The following GPR55 variants were observed in gnomAD, a reference collection of about 807,000 sequenced individuals.
The protein encoded by GPR55 is G-protein coupled receptor 55.
GPR55 carries 6 observed loss-of-function variants against 7.9 expected under a neutral mutation model. The ratio of observed to expected loss-of-function variants is 0.76; its 90% CI spans 0.41 to 1.49. The LOEUF is 1.49. Among genes scored for constraint, GPR55 ranks in the 40% most tolerant of loss-of-function variants. GPR55 has a pLI of 0.01. For synonymous variants in GPR55, 183 were observed against 166.8 expected (o/e 1.10, Z -0.75); for missense variants, 376 against 406.0 (o/e 0.93, Z 0.63).
intron 1 of GPR55, among the ~76,000 whole-genome samples, chr2:230,912,109 G>A (rs553493802): frequency 2.6e-5 from 4 of 152,146 alleles, no homozygotes; most frequent in Non-Finnish European, 5.9e-5. Context: ...CCACATGTGA[G>A]GCCATGCTGC....
rs540018834 is a variant in GPR55, at chr2:230,937,360, G to A, written c.-135+23415C>T. ...TTAGAGGCTCCCGTGAGTCGTGATTGTGCCAGTGTGCTCCAGTCTGGGCAA... is the reference window on the plus strand; with the variant it reads ...TTAGAGGCTCCCGTGAGTCGTGATTATGCCAGTGTGCTCCAGTCTGGGCAA... On this transcript the variant is annotated intron_variant, in intron 1 of 1. Coordinates refer to the GPR55 transcript ENST00000392039. Among the ~76,000 whole-genome samples, 6 of 147,744 alleles carry A rather than the reference G, an allele frequency of 4.1e-5. No individual in the cohort carries two copies. The East Asian group carries it at 1.2e-3, about 29-fold the overall frequency.
rs1426625497 is a variant in GPR55 at position 230,910,990 on chromosome 2, G to A, written c.-28C>T. 6.4e-7 allele frequency: 1 copy of A among 1,565,400 alleles called. No individual in the cohort carries two copies. The highest frequency in any genetic ancestry group is 8.7e-7 in the Non-Finnish European group (1 of 1,151,602). On this transcript the variant is annotated 5_prime_UTR_variant, in exon 2 of 2. Transcript: ENST00000650999. The surrounding 1 kb of genome is among the most constrained non-coding windows in gnomAD (Gnocchi z 5.4). Reference sequence around the variant, plus strand: ...TTCTTCCTACAACACCAACAGATCAGACGGGGCTCCTTTCACTCTCTTGAA... The same window carrying A: ...TTCTTCCTACAACACCAACAGATCAAACGGGGCTCCTTTCACTCTCTTGAA...
rs1356010895 is a variant in GPR55 at position 230,908,753 on chromosome 2, C to A, written c.*1250G>T. 2 of 152,440 alleles carry A rather than the reference C, an allele frequency of 1.3e-5. No homozygotes were observed. The highest frequency in any genetic ancestry group is 6.5e-5 in the Admixed American group (1 of 15,280). 9.4% of individuals were successfully genotyped at this position (152,440 alleles called of 1,614,324 possible). ...ACAATGGATCCTTCTCATCATTTCACTCTCCGGAGCAGCTGAGTCATTGGG... is the reference window on the plus strand; with the variant it reads ...ACAATGGATCCTTCTCATCATTTCAATCTCCGGAGCAGCTGAGTCATTGGG... On this transcript the variant is annotated 3_prime_UTR_variant, in exon 2 of 2. Transcript: ENST00000650999.
chr2:230,931,570 G>C (rs1691037718), intron 1 of GPR55, among the ~76,000 whole-genome samples: 1 of 152,146 alleles, frequency 6.6e-6, no homozygotes, highest in Non-Finnish European at 1.5e-5. Flanking sequence ...TGGAGGCATT[G>C]AGAGGTTTTG....
chr2:230,940,248 G>T (rs532061136), intron 1 of GPR55, among the ~76,000 whole-genome samples: 2 of 152,090 alleles, frequency 1.3e-5, no homozygotes, highest in Non-Finnish European at 1.5e-5. Flanking sequence ...TGGGGGCGGC[G>T]CTTACACAGC....
upstream of GPR55, among the ~76,000 whole-genome samples, chr2:230,926,650 G>A (rs1690947425): frequency 6.6e-6 from 1 of 151,494 alleles, no homozygotes; most frequent in Non-Finnish European, 1.5e-5. Flanking sequence ...CTTCTCAAAG[G>A]GAGCCTTGTC....
chr2:230,921,736 G>C (rs540919009), intron 1 of GPR55, among the ~76,000 whole-genome samples: 52 of 152,310 alleles, frequency 3.4e-4, no homozygotes, highest in African/African-American at 1.3e-3. Context: ...AAGTGGAATG[G>C]GAGTGACCAT....
At chr2:230,919,877 G>A (rs1559172101) in intron 1 of GPR55, among the ~76,000 whole-genome samples, 1 of 151,586 alleles carries the variant, frequency 6.6e-6, no homozygotes, top group Non-Finnish European at 1.5e-5. Context: ...CTGTCTGACT[G>A]TTATGTTTAT....
chr2:230,924,595 A>G lies in GPR55; in HGVS notation c.-135+573T>C, dbSNP rs1690908193. On this transcript the variant is annotated intron_variant, in intron 1 of 1. Coordinates refer to ENST00000650999, the MANE Select transcript of GPR55 (RefSeq NM_005683.4). The surrounding 1 kb of genome is among the most constrained non-coding windows in gnomAD (Gnocchi z 4.5). ...CCCTTGAGCGCCCCGTGAGGAAGAA[A>G]CCGTGTATTGCCTCATGCCCCAGAG... is the stretch of plus-strand genomic sequence containing the variant. The G allele has an allele frequency of 6.6e-6, 1 of 152,186 alleles. No homozygotes were observed. Among genetic ancestry groups the G allele is most frequent in the African/African-American group, 2.4e-5 (1 of 41,414 alleles). The allele number at this position is 152,186 out of a possible 1,614,324, so 9.4% of individuals were successfully genotyped here.
chr2:230,925,119 G>A (rs961459985), intron 1 of GPR55, 49 bp downstream of exon 1: 2 of 152,794 alleles, frequency 1.3e-5, no homozygotes, highest in Non-Finnish European at 2.9e-5. Flanking sequence ...GCAAGGTCAG[G>A]TTGGAGGCTC....
chr2:230,958,850 C>T (rs937737335), intron 1 of GPR55, among the ~76,000 whole-genome samples: 3 of 152,152 alleles, frequency 2.0e-5, no homozygotes, highest in Non-Finnish European at 4.4e-5. Context: ...TCAGTTATAA[C>T]GAGGGTCTTT....
upstream of GPR55, among the ~76,000 whole-genome samples, chr2:230,929,088 A>C (rs1414320370): frequency 6.6e-6 from 1 of 152,102 alleles, no homozygotes; most frequent in Non-Finnish European, 1.5e-5. Flanking sequence ...TCCTGGACTC[A>C]AGCGATCCCC....
upstream of GPR55, among the ~76,000 whole-genome samples, chr2:230,927,081 A>T (rs1690956347): frequency 6.6e-6 from 1 of 152,222 alleles, no homozygotes; most frequent in South Asian, 2.1e-4. Context: ...GAAAACATGC[A>T]CATGATTCAA....
At chr2:230,946,456 TCAAA>T (rs1194051242) in intron 1 of GPR55, among the ~76,000 whole-genome samples, 1 of 152,214 alleles carries the variant, frequency 6.6e-6, no homozygotes, top group African/African-American at 2.4e-5. Flanking sequence ...TATACATATA[TCAAA>T]ATTTCACACT....
upstream of GPR55, among the ~76,000 whole-genome samples, chr2:230,926,458 A>AG (rs896644822): frequency 3.3e-5 from 5 of 152,198 alleles, no homozygotes; most frequent in Admixed American, 6.5e-5. Flanking sequence ...CTACTGGGCA[A>AG]GGGGGGGCAG....
intron 1 of GPR55, among the ~76,000 whole-genome samples, chr2:230,939,893 T>C (rs115079613): frequency 0.024 from 3,697 of 151,968 alleles, 140 homozygotes; most frequent in African/African-American, 0.085. Context: ...GGAGAGACAG[T>C]CACAGGCTGA....
intron 1 of GPR55, among the ~76,000 whole-genome samples, chr2:230,937,812 C>G (rs1376059620): frequency 1.3e-5 from 2 of 152,012 alleles, no homozygotes; most frequent in African/African-American, 2.4e-5. Flanking sequence ...CAGATGCTGC[C>G]ACAACCACCA....
chr2:230,918,914 ATAG>A, intron 1 of GPR55, among the ~76,000 whole-genome samples: 2 of 152,276 alleles, frequency 1.3e-5, no homozygotes, highest in Middle Eastern at 6.8e-3. Context: ...TAATGGTAAA[ATAG>A]TAGGGACATT....
chr2:230,916,260 G>A (rs1446694369), intron 1 of GPR55, among the ~76,000 whole-genome samples: 1 of 151,892 alleles, frequency 6.6e-6, no homozygotes, highest in Non-Finnish European at 1.5e-5. Context: ...GGTGGCTCGT[G>A]CCTGTAGTCC....
Sources: gnomAD v4.1 joint callset for allele counts (sites outside exome capture counted in the v4.1 genomes callset) on GRCh38, gnomAD v4.1.1 for gene constraint, Gnocchi (gnomAD v3.1) non-coding constraint, MANE v1.5 for transcripts, NCBI Gene and HGNC (gene_info 2026-07-23, HGNC 2026-07-21) for gene names.